Variants in PCSK9 observed in about 807,000 individuals in gnomAD.
The protein encoded by PCSK9 is convertase subtilisin/kexin type 9 preproprotein.
Under a neutral mutation model 62.1 loss-of-function variants are expected in PCSK9, and 57 were observed. The observed-to-expected ratio is 0.92, with a 90% CI of 0.74 to 1.14. PCSK9 has a LOEUF of 1.14. Ranked by LOEUF, PCSK9 falls within the 50% of genes most tolerant of loss-of-function variation. PCSK9 has a pLI of 0.00. For missense variants in PCSK9, 870 were observed against 959.8 expected, an observed-to-expected ratio of 0.91 and a Z score of 1.24; for synonymous variants, 387 against 409.4, an observed-to-expected ratio of 0.95 and a Z score of 0.66.
In PCSK9 at chr1:55,039,550, C is replaced by T. The variant is rs1456146063; in HGVS notation, c.-288C>T. ...CCCACACCCTAGAAGGTTTCCGCAG[C>T]GACGTCGAGGCGCTCATGGTTGCAG... On this transcript the variant is annotated 5_prime_UTR_variant, in exon 1 of 12. Transcript: ENST00000302118. The T allele has an allele frequency of 1.1e-5, 6 of 543,946 alleles. No homozygotes were observed. Among genetic ancestry groups the T allele is most frequent in the Admixed American group, 3.2e-5 (1 of 31,528 alleles). 33.7% of individuals were successfully genotyped at this position (543,946 alleles called of 1,614,324 possible).
At chr1:55,057,569 G>C in intron 7 of PCSK9, 55 bp downstream of exon 7, 1 of 1,550,290 alleles carries the variant, frequency 6.5e-7, no homozygotes, top group Non-Finnish European at 8.7e-7. Context: ...CCCTTTGGCA[G>C]TCAGGGTCTG....
At chr1:55,050,726 G>A (rs1430146605) in intron 3 of PCSK9, among the ~76,000 whole-genome samples, 2 of 152,162 alleles carry the variant, frequency 1.3e-5, no homozygotes, top group South Asian at 2.1e-4. Context: ...ACTGGGGGCC[G>A]ACCTTGCCTG....
chr1:55,054,970 A>G (rs1486578579), intron 5 of PCSK9, among the ~76,000 whole-genome samples: 7 of 151,090 alleles, frequency 4.6e-5, no homozygotes, highest in Non-Finnish European at 1.0e-4. Flanking sequence ...GCGCCACTGC[A>G]CTCCAGCCTG....
rs28362263 is a variant in PCSK9 at position 55,058,182 on chromosome 1, G to A, written c.1327G>A (p.Ala443Thr). 5.1e-3 allele frequency: 8,180 copies of A among 1,613,318 alleles called. 337 individuals are homozygous for A. In the African/African-American group the frequency reaches 0.094, roughly 18 times the overall value. Residue 443 changes from alanine (A) to threonine (T), a missense_variant, in exon 8 of 12, where the codon GCC (alanine) becomes ACC (threonine). Transcript: ENST00000302118. The part of the protein sequence containing the change: ...QRVLTPNLVA[A>T]LPPSTHGAGW... ...GGTACTGACCCCCAACCTGGTGGCC[G>A]CCCTGCCCCCCAGCACCCATGGGGC... is the stretch of plus-strand genomic sequence containing the variant.
Position 55,052,370 on chromosome 1 carries a change from G to T in PCSK9, c.616G>T (p.Glu206Ter). ...IEGRVMVTDF[E>*]NVPEEDGTRF... is the part of the protein sequence containing the mutation. The stretch of plus-strand genomic sequence containing the variant: ...GGGCAGGGTCATGGTCACCGACTTC[G>T]AGAATGTGCCCGAGGAGGACGGGAC... The change falls in exon 4 of 12, where the codon GAG (glutamate) becomes TAG (stop). Residue 206 changes from glutamate (E) to a stop codon, truncating the protein, a stop_gained. Coordinates refer to ENST00000302118, the MANE Select transcript of PCSK9 (RefSeq NM_174936.4). LOFTEE classifies it high-confidence loss of function. 6.2e-7 allele frequency: 1 copy of T among 1,613,886 alleles called. No individual in the cohort carries two copies. The highest frequency in any genetic ancestry group is 8.5e-7 in the Non-Finnish European group (1 of 1,180,006).
chr1:55,057,597 C>G, intron 7 of PCSK9, 83 bp downstream of exon 7: 1 of 1,476,138 alleles, frequency 6.8e-7, no homozygotes. Context: ...ACCTCCAGTG[C>G]CAGGCTCTGT....
intron 5 of PCSK9, among the ~76,000 whole-genome samples, chr1:55,055,214 G>C (rs553682442): frequency 6.2e-4 from 95 of 152,130 alleles, no homozygotes; most frequent in Non-Finnish European, 1.1e-3. Flanking sequence ...CACAGAGGGC[G>C]GGGCCACACA....
intron 2 of PCSK9, among the ~76,000 whole-genome samples, chr1:55,046,215 C>A (rs1412687029): frequency 3.3e-5 from 5 of 152,234 alleles, no homozygotes; most frequent in African/African-American, 1.2e-4. Context: ...ACTCCATGTC[C>A]ATCCTGCCCA....
Position 55,059,563 on chromosome 1 carries a change from C to T in PCSK9, c.1581C>T (p.Cys527=). ...GEGVYAIARC[C]LLPQANCSVH... is the part of the protein sequence containing the mutation. Reference sequence around the variant, plus strand: ...GTGTCTACGCCATTGCCAGGTGCTGCCTGCTACCCCAGGCCAACTGCAGCG... The same window carrying T: ...GTGTCTACGCCATTGCCAGGTGCTGTCTGCTACCCCAGGCCAACTGCAGCG... Residue 527 remains cysteine (C), a synonymous_variant, in exon 10 of 12, where the codon TGC becomes TGT. Coordinates refer to ENST00000302118, the MANE Select transcript of PCSK9 (RefSeq NM_174936.4). The T allele has an allele frequency of 6.4e-7, 1 of 1,556,618 alleles. No individual in the cohort carries two copies.
intron 3 of PCSK9, among the ~76,000 whole-genome samples, chr1:55,047,803 G>A (rs1644644948): frequency 6.6e-6 from 1 of 152,176 alleles, no homozygotes; most frequent in East Asian, 1.9e-4. Flanking sequence ...ACCCGGCCTG[G>A]GCAGCCTGTG....
In PCSK9 at chr1:55,043,920, C is replaced by T; in HGVS notation, c.285C>T (p.Ala95=). ...ETHLSQSERT[A]RRLQAQAARR... The stretch of plus-strand genomic sequence containing the variant: ...ACCTCTCGCAGTCAGAGCGCACTGC[C>T]CGCCGCCTGCAGGCCCAGGCTGCCC... Residue 95 remains alanine, a synonymous_variant, in exon 2 of 12, where the codon GCC becomes GCT. Coordinates refer to ENST00000302118, the MANE Select transcript of PCSK9 (RefSeq NM_174936.4). 2 of 1,614,168 alleles carry T rather than the reference C, an allele frequency of 1.2e-6. No homozygotes were observed. The highest frequency in any genetic ancestry group is 1.7e-6 in the Non-Finnish European group (2 of 1,180,036).
chr1:55,056,006 TC>T lies in PCSK9; in HGVS notation c.814del (p.Arg272GlyfsTer75). On this transcript the variant is annotated frameshift_variant, in exon 6 of 12. Coordinates refer to ENST00000302118, the MANE Select transcript of PCSK9 (RefSeq NM_174936.4). LOFTEE classifies it high-confidence loss of function. ...TGTTCCTCCCAGGCCTGGAGTTTATTCGGAAAAGCCAGCTGGTCCAGCCTGT... is the reference window on the plus strand; with the variant it reads ...TGTTCCTCCCAGGCCTGGAGTTTATTGGAAAAGCCAGCTGGTCCAGCCTGT... ...SGTLIGLEFI[R>X]KSQLVQPVGP... 3 of 1,609,948 alleles carry T rather than the reference TC, an allele frequency of 1.9e-6. No homozygotes were observed. The highest frequency in any genetic ancestry group is 2.5e-6 in the Non-Finnish European group (3 of 1,177,664).
chr1:55,046,617 G>T lies in PCSK9; in HGVS notation c.494G>T (p.Arg165Leu), dbSNP rs372165281. ...PWNLERITPP[R>L]YRADEYQPPD... ...AACCTGGAGCGGATTACCCCTCCAC[G>T]GTACCGGGCGGATGAATACCAGCCC... Residue 165 changes from arginine to leucine, a missense_variant, in exon 3 of 12, where the codon CGG becomes CTG. Transcript: ENST00000302118. 1.9e-5 allele frequency: 30 copies of T among 1,613,914 alleles called. 1 individual carries two copies. The highest frequency in any genetic ancestry group is 1.2e-4 in the Admixed American group (7 of 60,002).
Position 55,040,313 on chromosome 1 carries a change from G to C in PCSK9, c.207+269G>C, listed in dbSNP as rs572781035. Among the ~76,000 whole-genome samples the C allele has an allele frequency of 4.2e-4, 64 of 152,328 alleles. No homozygotes were observed. The highest frequency in any genetic ancestry group is 1.5e-3 in the African/African-American group (63 of 41,580). On this transcript the variant is annotated intron_variant, in intron 1 of 11. Coordinates refer to ENST00000302118, the MANE Select transcript of PCSK9 (RefSeq NM_174936.4). This position sits in a 1 kb window ranked among gnomAD's most constrained non-coding sequence, Gnocchi z 4.1. ...GCTATTCAGTGGGAAGGTTCGCGGGGTTGGGAGACCCGGAGGCCGAGGAAG... is the reference window on the plus strand; with the variant it reads ...GCTATTCAGTGGGAAGGTTCGCGGGCTTGGGAGACCCGGAGGCCGAGGAAG...
In PCSK9 at chr1:55,040,724, A is replaced by C. The variant is rs2100256520; in HGVS notation, c.207+680A>C. On this transcript the variant is annotated intron_variant, in intron 1 of 11. Transcript: ENST00000302118. This position sits in a 1 kb window ranked among gnomAD's most constrained non-coding sequence, Gnocchi z 4.1. Reference sequence around the variant, plus strand: ...GGCCCATTGGCGTCCTTTAGGACTCAGGCAGGGAAGGGCCCTTGGTGCTCT... The same window carrying C: ...GGCCCATTGGCGTCCTTTAGGACTCCGGCAGGGAAGGGCCCTTGGTGCTCT... Among the ~76,000 whole-genome samples, 1 of 152,382 alleles carries C rather than the reference A, an allele frequency of 6.6e-6. No homozygotes were observed. Among genetic ancestry groups the C allele is most frequent in the African/African-American group, 2.4e-5 (1 of 41,590 alleles).
Position 55,059,470 on chromosome 1 carries a change from C to T in PCSK9, c.1504-16C>T, listed in dbSNP as rs28362269. On this transcript the variant is annotated splice_polypyrimidine_tract_variant and intron_variant, in intron 9 of 11. Transcript: ENST00000302118. The stretch of plus-strand genomic sequence containing the variant: ...CCATTCTAAAGCAGATTCCCATTTC[C>T]GTCTTTGACTCTAAGGCCCAAGGGG... 2.7e-3 allele frequency: 4,200 copies of T among 1,556,858 alleles called. 88 individuals are homozygous for T. In the African/African-American group the frequency reaches 0.05, roughly 19 times the overall value.
Position 55,039,989 on chromosome 1 carries a change from G to A in PCSK9, c.152G>A (p.Gly51Asp). 6.3e-7 allele frequency: 1 copy of A among 1,579,914 alleles called. No individual in the cohort carries two copies. The highest frequency in any genetic ancestry group is 8.6e-7 in the Non-Finnish European group (1 of 1,163,852). The change falls in exon 1 of 12, where the codon GGC becomes GAC. Residue 51 changes from glycine to aspartate, a missense_variant. Coordinates refer to ENST00000302118, the MANE Select transcript of PCSK9 (RefSeq NM_174936.4). ...LVLALRSEED[G>D]LAEAPEHGTT... ...CTAGCCTTGCGTTCCGAGGAGGACGGCCTGGCCGAAGCACCCGAGCACGGA... is the reference window on the plus strand; with the variant it reads ...CTAGCCTTGCGTTCCGAGGAGGACGACCTGGCCGAAGCACCCGAGCACGGA...
rs1644723271 is a variant in PCSK9, at chr1:55,057,374, C to T, written c.1040C>T (p.Thr347Ile). The T allele has an allele frequency of 6.2e-7, 1 of 1,613,954 alleles. No homozygotes were observed. The highest frequency in any genetic ancestry group is 1.1e-5 in the South Asian group (1 of 91,084). ...ACCAATGCCCAAGACCAGCCGGTGACCCTGGGGACTTTGGGGACCAACTTT... is the reference window on the plus strand; with the variant it reads ...ACCAATGCCCAAGACCAGCCGGTGATCCTGGGGACTTTGGGGACCAACTTT... ...GATNAQDQPV[T>I]LGTLGTNFGR... is the part of the protein sequence containing the mutation. Residue 347 changes from threonine to isoleucine, a missense_variant, in exon 7 of 12, where the codon ACC becomes ATC. Thr to Ile is a moderately conservative substitution (Grantham distance 89). Coordinates refer to ENST00000302118, the MANE Select transcript of PCSK9 (RefSeq NM_174936.4).
intron 3 of PCSK9, among the ~76,000 whole-genome samples, chr1:55,047,252 G>C (rs1452119026): frequency 6.6e-6 from 1 of 152,248 alleles, no homozygotes; most frequent in East Asian, 1.9e-4. Flanking sequence ...GCAGGGACTT[G>C]CAGGTGGCAA....
Sources: allele counts gnomAD v4.1 joint callset (sites outside exome capture counted in the v4.1 genomes callset), GRCh38; gene constraint gnomAD v4.1.1; non-coding constraint Gnocchi (gnomAD v3.1); transcripts MANE v1.5; gene names NCBI Gene and HGNC (gene_info 2026-07-23, HGNC 2026-07-21).